Variants in ILDR1 observed in about 807,000 individuals in gnomAD.
ILDR1 encodes the protein immunoglobulin-like domain-containing receptor 1.
A neutral mutation model predicts 62.4 loss-of-function variants in ILDR1; 56 were observed. The ratio of observed to expected loss-of-function variants is 0.90; its 90% CI spans 0.72 to 1.12. The LOEUF is 1.12. Among genes scored for constraint, ILDR1 ranks in the 50% most tolerant of loss-of-function variants. The pLI is 0.00. For synonymous variants in ILDR1, 284 were observed against 277.8 expected (o/e 1.02, Z -0.22); for missense variants, 736 against 710.6 (o/e 1.04, Z -0.41).
chr3:122,009,328 C>CACAT (rs1346189966), intron 1 of ILDR1, among the ~76,000 whole-genome samples: 6 of 142,182 alleles, frequency 4.2e-5, no homozygotes, highest in Non-Finnish European at 9.0e-5. Flanking sequence ...ATTTAAAACA[C>CACAT]ACACACACAC....
the ILDR1 span, among the ~76,000 whole-genome samples, chr3:122,042,756 G>A: frequency 6.6e-6 from 1 of 151,852 alleles, no homozygotes; most frequent in Non-Finnish European, 1.5e-5. Context: ...ACTTTTTGAT[G>A]GGGTTGTTTG....
the ILDR1 span, among the ~76,000 whole-genome samples, chr3:122,044,504 C>T: frequency 6.7e-6 from 1 of 149,762 alleles, no homozygotes; most frequent in Non-Finnish European, 1.5e-5. Flanking sequence ...ACCAGCTCCT[C>T]CTTGTACCTC....
the ILDR1 span, among the ~76,000 whole-genome samples, chr3:122,030,958 C>T: frequency 6.6e-6 from 1 of 152,152 alleles, no homozygotes; most frequent in South Asian, 2.1e-4. Context: ...CCAGGGCAGC[C>T]CCTAAATGGA....
At chr3:121,994,890 C>A (rs753706904) in intron 5 of ILDR1, among the ~76,000 whole-genome samples, 1 of 152,152 alleles carries the variant, frequency 6.6e-6, no homozygotes, top group Non-Finnish European at 1.5e-5. Flanking sequence ...AAGGCAAGGG[C>A]GTGCAAAAAG....
chr3:122,032,534 T>C, the ILDR1 span, among the ~76,000 whole-genome samples: 18 of 152,224 alleles, frequency 1.2e-4, no homozygotes, highest in Non-Finnish European at 1.5e-5. Context: ...GATCTTAAGA[T>C]ATGTCCATAA....
At chr3:121,994,352 G>A (rs762534613) in intron 5 of ILDR1, 39 bp from the exon 6 acceptor site, 33 of 1,513,960 alleles carry the variant, frequency 2.2e-5, no homozygotes, top group African/African-American at 1.4e-5. Context: ...CCTCAGCCAG[G>A]GCAAGCCCCA....
At chr3:121,995,216 T>C (rs565185814) in intron 5 of ILDR1, among the ~76,000 whole-genome samples, 1 of 152,320 alleles carries the variant, frequency 6.6e-6, no homozygotes, top group African/African-American at 2.4e-5. Flanking sequence ...TGCCTCATGT[T>C]TCCTAAGGGC....
chr3:121,994,198 G>A lies in ILDR1; in HGVS notation c.762C>T (p.His254=), dbSNP rs397516638. Residue 254 remains histidine (H), a synonymous_variant, in exon 6 of 8, where the codon CAC becomes CAT. Transcript: ENST00000344209. The part of the protein sequence containing the change: ...RSSQVSSYPM[H]PLLQRDLSLP... ...AGAGTTTACCTCGCTGCAGCAGCGGGTGCATTGGATAAGATGAAACCTGGG... is the reference window on the plus strand; with the variant it reads ...AGAGTTTACCTCGCTGCAGCAGCGGATGCATTGGATAAGATGAAACCTGGG... 2.6e-6 allele frequency: 4 copies of A among 1,536,096 alleles called. No homozygotes were observed. Among genetic ancestry groups the A allele is most frequent in the East Asian group, 2.4e-5 (1 of 40,910 alleles).
intron 1 of ILDR1, among the ~76,000 whole-genome samples, chr3:122,016,878 A>G (rs2071783609): frequency 6.6e-6 from 1 of 152,184 alleles, no homozygotes; most frequent in Non-Finnish European, 1.5e-5. Context: ...AAAATAGAAA[A>G]GAAGGGGCAG....
intron 1 of ILDR1, among the ~76,000 whole-genome samples, chr3:122,008,600 T>TTC: frequency 7.4e-6 from 1 of 134,704 alleles, no homozygotes; most frequent in African/African-American, 2.7e-5. Flanking sequence ...TTTCTTTTTT[T>TTC]TTTTTTTTTT....
the ILDR1 span, among the ~76,000 whole-genome samples, chr3:122,055,964 A>G: frequency 1.1e-4 from 16 of 152,320 alleles, no homozygotes; most frequent in African/African-American, 3.8e-4. Flanking sequence ...CTCAGTTAAT[A>G]TGTCATAATC....
At chr3:122,024,100 G>A (rs2071901334), upstream of ILDR1, among the ~76,000 whole-genome samples, 1 of 150,460 alleles carries the variant, frequency 6.6e-6, no homozygotes, top group Non-Finnish European at 1.5e-5. Flanking sequence ...TGTTTGTTCC[G>A]TTGAACAGTA....
intron 1 of ILDR1, among the ~76,000 whole-genome samples, chr3:122,016,704 T>C (rs2071781866): frequency 6.6e-6 from 1 of 152,198 alleles, no homozygotes; most frequent in South Asian, 2.1e-4. Flanking sequence ...GCTATAGGGA[T>C]CTAATGGAGC....
At chr3:122,024,990 T>C (rs1480623104), upstream of ILDR1, among the ~76,000 whole-genome samples, 1 of 152,226 alleles carries the variant, frequency 6.6e-6, no homozygotes, top group African/African-American at 2.4e-5. Flanking sequence ...CTTGGGCCAG[T>C]CATTCTTCCC....
intron 5 of ILDR1, among the ~76,000 whole-genome samples, chr3:122,000,847 G>A (rs2071512201): frequency 6.6e-6 from 1 of 152,182 alleles, no homozygotes; most frequent in Middle Eastern, 3.2e-3. Flanking sequence ...ATTCCTTTTT[G>A]TGTGGGGAAA....
intron 1 of ILDR1, among the ~76,000 whole-genome samples, chr3:122,021,209 G>A (rs1334391456): frequency 1.3e-5 from 2 of 152,112 alleles, no homozygotes. Context: ...GCTTCCAAGG[G>A]AACTTATAAA....
At chr3:122,005,467 C>T (rs749733006) in intron 2 of ILDR1, 74 bp from the exon 3 acceptor site, 21 of 1,540,986 alleles carry the variant, frequency 1.4e-5, no homozygotes, top group Admixed American at 3.4e-5. Flanking sequence ...CTTCCTGCTC[C>T]GGGCGTGAGA....
chr3:122,022,861 G>A (rs1323785511), upstream of ILDR1, among the ~76,000 whole-genome samples: 1 of 151,836 alleles, frequency 6.6e-6, no homozygotes, highest in Non-Finnish European at 1.5e-5. Flanking sequence ...TGAAGTGAGC[G>A]GAGATGGCGC....
chr3:122,024,823 C>T (rs992713300), upstream of ILDR1, among the ~76,000 whole-genome samples: 13 of 152,214 alleles, frequency 8.5e-5, no homozygotes, highest in East Asian at 2.5e-3. Flanking sequence ...GTGCTCTTAG[C>T]TGAAACACTA....
Sources: gnomAD v4.1 joint callset for allele counts (sites outside exome capture counted in the v4.1 genomes callset) on GRCh38, gnomAD v4.1.1 for gene constraint, MANE v1.5 for transcripts, NCBI Gene and HGNC (gene_info 2026-07-23, HGNC 2026-07-21) for gene names.